HIVEP2: variants seen among roughly 807,000 people sequenced by gnomAD.
HIVEP2 encodes the protein transcription factor HIVEP2.
HIVEP2 carries 14 observed loss-of-function variants against 180.7 expected under a neutral mutation model. That is an observed-to-expected ratio of 0.08 (90% CI 0.05 to 0.12). HIVEP2 has a LOEUF of 0.12. HIVEP2 is among the 10% of genes least tolerant of loss of function. The probability of loss-of-function intolerance (pLI) is 1.00; values close to 1 mark genes in which losing one functional copy is unlikely to be tolerated. For missense variants in HIVEP2, 2,579 were observed against 3,008.5 expected, an observed-to-expected ratio of 0.86 and a Z score of 3.34; for synonymous variants, 1,184 against 1,136.4, an observed-to-expected ratio of 1.04 and a Z score of -0.84.
At chr6:142,807,620 A>G (rs1460423038) in intron 2 of HIVEP2, among the ~76,000 whole-genome samples, 2 of 152,212 alleles carry the variant, frequency 1.3e-5, no homozygotes, top group Non-Finnish European at 2.9e-5. Flanking sequence ...TATCTGCTGA[A>G]GAATAATATC....
In HIVEP2 at chr6:142,753,650, C is replaced by T. The variant is rs755189879; in HGVS notation, c.6798G>A (p.Ala2266=). The stretch of plus-strand genomic sequence containing the variant: ...GGTCCTTGGAGAAGGACTCCCCTGA[C>T]GCGCCTTTCTTCTCCTCAAAGCCCT... ...PMEGFEEKKG[A]SGESFSKDPY... is the part of the protein sequence containing the mutation. Residue 2266 remains alanine, a synonymous_variant, in exon 10 of 10, where the codon GCG becomes GCA. Coordinates refer to ENST00000367603, the MANE Select transcript of HIVEP2 (RefSeq NM_006734.4). The T allele has an allele frequency of 3.7e-6, 6 of 1,614,054 alleles. No individual in the cohort carries two copies. The highest frequency in any genetic ancestry group is 1.3e-5 in the African/African-American group (1 of 74,914).
In HIVEP2 at chr6:142,848,223, A is replaced by C. The variant is rs188784291; in HGVS notation, c.-640-11176T>G. The stretch of plus-strand genomic sequence containing the variant: ...TATTAGTGGATTTAGAGATAACTTA[A>C]AGTGGTATGATTAGCACACAAATAC... On this transcript the variant is annotated intron_variant, in intron 1 of 9. Transcript: ENST00000367603. 5.7e-4 allele frequency among the ~76,000 whole-genome samples: 87 copies of C among 152,348 alleles called. No homozygotes were observed. The Middle Eastern group carries it at 0.014, about 24-fold the overall frequency.
intron 1 of HIVEP2, among the ~76,000 whole-genome samples, chr6:142,932,011 G>A (rs1240828678): frequency 1.3e-5 from 2 of 152,132 alleles, no homozygotes; most frequent in African/African-American, 4.8e-5. Flanking sequence ...CCCAGGTAAA[G>A]CATTTCCTTT....
chr6:142,863,075 A>ACATATTG (rs1776047140), intron 1 of HIVEP2, among the ~76,000 whole-genome samples: 16 of 143,912 alleles, frequency 1.1e-4, no homozygotes, highest in Admixed American at 6.4e-4. Flanking sequence ...ATATGTAATT[A>ACATATTG]TATGTAATAT....
At chr6:142,868,794 T>C (rs1178072569) in intron 1 of HIVEP2, among the ~76,000 whole-genome samples, 1 of 152,230 alleles carries the variant, frequency 6.6e-6, no homozygotes, top group Non-Finnish European at 1.5e-5. Context: ...GTTAATTGGA[T>C]TATATTATGG....
rs139455898 is a variant in HIVEP2, at chr6:142,907,120, T to C, written c.-641+37979A>G. On this transcript the variant is annotated intron_variant, in intron 1 of 9. Transcript: ENST00000367603. ...GAAACTGTGAATGGTCCGTAGCATA[T>C]TCATACTCTTTAAGCTATTAATCCA... Among the ~76,000 whole-genome samples the C allele has an allele frequency of 2.6e-5, 4 of 152,332 alleles. 1 individual carries two copies. Among genetic ancestry groups the C allele is most frequent in the South Asian group, 4.1e-4 (2 of 4,822 alleles).
intron 2 of HIVEP2, among the ~76,000 whole-genome samples, chr6:142,816,629 C>T (rs547654524): frequency 1.3e-5 from 2 of 152,302 alleles, no homozygotes; most frequent in African/African-American, 4.8e-5. Context: ...GTTTTCCCCA[C>T]ACAAATGTGC....
At chr6:142,847,322 C>T (rs1320440990) in intron 1 of HIVEP2, among the ~76,000 whole-genome samples, 1 of 152,022 alleles carries the variant, frequency 6.6e-6, no homozygotes, top group Non-Finnish European at 1.5e-5. Flanking sequence ...TATTACAACC[C>T]TTTAAAAACA....
rs372687984 is a variant in HIVEP2, at chr6:142,773,107, G to T, written c.1632C>A (p.Asn544Lys). The T allele has an allele frequency of 1.2e-6, 2 of 1,614,236 alleles. No homozygotes were observed. The highest frequency in any genetic ancestry group is 1.7e-6 in the Non-Finnish European group (2 of 1,180,042). Reference protein sequence around the residue: ...PVDSSPLIRSNSVPTSSATNL... With the variant: ...PVDSSPLIRSKSVPTSSATNL... ...TAGTTGCTGAAGAAGTTGGCACTGA[G>T]TTGCTTCTAATAAGGGGTGAAGAGT... The change falls in exon 5 of 10, where the codon AAC (asparagine) becomes AAA (lysine). Residue 544 changes from asparagine to lysine, a missense_variant. Transcript: ENST00000367603.
intron 2 of HIVEP2, among the ~76,000 whole-genome samples, chr6:142,823,960 G>A (rs988709565): frequency 6.6e-6 from 1 of 152,044 alleles, no homozygotes; most frequent in African/African-American, 2.4e-5. Context: ...GTTTTAACAT[G>A]TGATTTTGGA....
intron 1 of HIVEP2, among the ~76,000 whole-genome samples, chr6:142,838,846 C>T (rs1775290158): frequency 6.6e-6 from 1 of 152,088 alleles, no homozygotes; most frequent in Admixed American, 6.5e-5. Context: ...GTAATTCTTG[C>T]CTCGTAAGAG....
rs34875559 is a variant in HIVEP2, at chr6:142,771,617, G to A, written c.3122C>T (p.Ala1041Val). 0.019 allele frequency: 30,309 copies of A among 1,614,128 alleles called. 356 individuals carry two copies. Among genetic ancestry groups the A allele is most frequent in the Middle Eastern group, 0.05 (303 of 6,062 alleles). ...TTTGCTCCGAACTTCTGGGACTTCC[G>A]CTGGGTGAGGACAAGGCATCTGCTC... ...SSEQMPCPHP[A>V]EVPEVRSKSF... Residue 1041 changes from alanine (A) to valine (V), a missense_variant, in exon 5 of 10, where the codon GCG (alanine) becomes GTG (valine). Transcript: ENST00000367603. The surrounding 1 kb of genome is among the most constrained non-coding windows in gnomAD (Gnocchi z 5.4).
At chr6:142,872,134 G>A (rs1776302598) in intron 1 of HIVEP2, among the ~76,000 whole-genome samples, 1 of 152,250 alleles carries the variant, frequency 6.6e-6, no homozygotes, top group South Asian at 2.1e-4. Context: ...AGTAACAATG[G>A]GGACACTGTG....
chr6:142,830,566 C>T (rs1411817637), intron 2 of HIVEP2, among the ~76,000 whole-genome samples: 11 of 151,610 alleles, frequency 7.3e-5, no homozygotes. Context: ...ATTTAAGGAG[C>T]TGAAAAAAAA....
intron 9 of HIVEP2, among the ~76,000 whole-genome samples, chr6:142,757,919 T>C (rs1286837044): frequency 6.6e-6 from 1 of 152,210 alleles, no homozygotes; most frequent in Non-Finnish European, 1.5e-5. Context: ...GAATCGCATG[T>C]TTGCAGTTGA....
intron 1 of HIVEP2, among the ~76,000 whole-genome samples, chr6:142,859,834 C>CAAAAAAAAAAAAAAAAAAAAAAAGAAAA (rs56853043): frequency 1.4e-5 from 1 of 73,612 alleles, no homozygotes; most frequent in Admixed American, 1.7e-4. Context: ...AACTCCGTCT[C>CAAAAAAAAAAAAAAAAAAAAAAAGAAAA]AAAAAAAAAA....
intron 1 of HIVEP2, among the ~76,000 whole-genome samples, chr6:142,841,545 C>G (rs1303392975): frequency 6.6e-6 from 1 of 151,902 alleles, no homozygotes; most frequent in South Asian, 2.1e-4. Context: ...AAATGTTCAT[C>G]GATATTTTCT....
rs113059816 is a variant in HIVEP2 at position 142,764,999 on chromosome 6, T to G, written c.5343-25A>C. The G allele has an allele frequency of 4.5e-5, 72 of 1,582,692 alleles. 1 individual carries two copies. In the African/African-American group the frequency reaches 5.3e-4, roughly 12 times the overall value. On this transcript the variant is annotated intron_variant, in intron 6 of 9. Coordinates refer to ENST00000367603, the MANE Select transcript of HIVEP2 (RefSeq NM_006734.4). ...CCTGTTTTAAAAAGAGGGAATCCAG[T>G]GTGTTTTCAAATATTCTTAGCATGC... is the stretch of plus-strand genomic sequence containing the variant.
chr6:142,785,248 A>G (rs1437825923), intron 2 of HIVEP2, among the ~76,000 whole-genome samples: 1 of 151,172 alleles, frequency 6.6e-6, no homozygotes, highest in Admixed American at 6.6e-5. Flanking sequence ...ATCAAATAAA[A>G]GCACTTCAAA....
Sources: gnomAD v4.1 joint callset for allele counts (sites outside exome capture counted in the v4.1 genomes callset) on GRCh38, gnomAD v4.1.1 for gene constraint, Gnocchi (gnomAD v3.1) non-coding constraint, MANE v1.5 for transcripts, NCBI Gene and HGNC (gene_info 2026-07-23, HGNC 2026-07-21) for gene names.